Variants in TENM4 observed in about 807,000 individuals in gnomAD.
TENM4 encodes the protein teneurin-4.
A neutral mutation model predicts 243.3 loss-of-function variants in TENM4; 82 were observed. The ratio of observed to expected loss-of-function variants is 0.34; its 90% CI spans 0.28 to 0.40. TENM4 has a LOEUF of 0.40. Ranked by LOEUF, TENM4 falls within the 10% of genes least tolerant of loss-of-function variation. TENM4 has a pLI of 1.00. For synonymous variants in TENM4, 1,412 were observed against 1,456.3 expected (o/e 0.97, Z 0.69); for missense variants, 3,138 against 3,673.3 (o/e 0.85, Z 3.77).
chr11:78,857,607 T>A (rs1002251540), intron 10 of TENM4, among the ~76,000 whole-genome samples: 4 of 152,236 alleles, frequency 2.6e-5, no homozygotes, highest in African/African-American at 9.6e-5. Context: ...ATTAAAAATA[T>A]GCCAACAAAA....
chr11:78,857,575 C>T (rs1858709730), intron 10 of TENM4, among the ~76,000 whole-genome samples: 2 of 152,260 alleles, frequency 1.3e-5, no homozygotes. Context: ...TTTTTAGCTT[C>T]AAACTGTTAA....
At chr11:78,725,263 C>A (rs1354218285) in intron 23 of TENM4, among the ~76,000 whole-genome samples, 2 of 152,264 alleles carry the variant, frequency 1.3e-5, no homozygotes, top group South Asian at 2.1e-4. Context: ...TGTATTCTAT[C>A]GTAAATTTTA....
chr11:79,060,590 G>A (rs1465916061), intron 6 of TENM4, among the ~76,000 whole-genome samples: 1 of 152,176 alleles, frequency 6.6e-6, no homozygotes, highest in Non-Finnish European at 1.5e-5. Flanking sequence ...CTGAGAACTT[G>A]GTTGCACATT....
rs754421992 is a variant in TENM4 at position 78,732,536 on chromosome 11, C to A, written c.2918G>T (p.Arg973Leu). ...VTNGGISIIL[R>L]FERAPFITQE... ...TGTGATGAAAGGTGCCCGCTCGAAC[C>A]GCAGGATGATGGAGATGCCGCCATT... Residue 973 changes from arginine to leucine, a missense_variant, in exon 21 of 34, where the codon CGG (arginine) becomes CTG (leucine). Arg to Leu is a moderately radical substitution (Grantham distance 102). Transcript: ENST00000278550. The A allele has an allele frequency of 5.0e-6, 8 of 1,611,286 alleles. No individual in the cohort carries two copies. The highest frequency in any genetic ancestry group is 6.8e-6 in the Non-Finnish European group (8 of 1,178,096).
At chr11:78,880,004 C>T (rs991424128) in intron 9 of TENM4, among the ~76,000 whole-genome samples, 4 of 151,740 alleles carry the variant, frequency 2.6e-5, no homozygotes, top group African/African-American at 7.3e-5. Flanking sequence ...GCGGTTTTGT[C>T]GAAAAGCAAA....
intron 9 of TENM4, among the ~76,000 whole-genome samples, chr11:78,877,556 C>G (rs2136258428): frequency 6.6e-6 from 1 of 152,304 alleles, no homozygotes; most frequent in South Asian, 2.1e-4. Context: ...TCCATACTCC[C>G]TGGGCAATGT....
chr11:79,124,608 T>G (rs898031891), intron 4 of TENM4, among the ~76,000 whole-genome samples: 8 of 150,838 alleles, frequency 5.3e-5, no homozygotes, highest in African/African-American at 9.8e-5. Flanking sequence ...TATGTGTGTG[T>G]GTGTATATAT....
chr11:79,309,764 A>T (rs1013205529), intron 1 of TENM4, among the ~76,000 whole-genome samples: 1 of 152,120 alleles, frequency 6.6e-6, no homozygotes, highest in South Asian at 2.1e-4. Flanking sequence ...AAAAGACAAG[A>T]CTTCCCAAGA....
At chr11:79,241,187 G>A (rs1864581490) in intron 2 of TENM4, among the ~76,000 whole-genome samples, 1 of 151,776 alleles carries the variant, frequency 6.6e-6, no homozygotes, top group Non-Finnish European at 1.5e-5. Context: ...AAGGCCTCCT[G>A]GGTTTAGACA....
intron 1 of TENM4, among the ~76,000 whole-genome samples, chr11:79,434,112 C>T (rs1267693036): frequency 1.3e-5 from 2 of 152,224 alleles, no homozygotes; most frequent in Non-Finnish European, 2.9e-5. Context: ...AGAAATCCCA[C>T]ACTTGAGAAG....
At chr11:79,336,579 A>T (rs545482391) in intron 1 of TENM4, among the ~76,000 whole-genome samples, 1 of 152,212 alleles carries the variant, frequency 6.6e-6, no homozygotes, top group African/African-American at 2.4e-5. Flanking sequence ...ATTGGGCTCC[A>T]TTTGCTTTCT....
chr11:78,843,820 A>G (rs942274422), intron 12 of TENM4, among the ~76,000 whole-genome samples: 2 of 152,208 alleles, frequency 1.3e-5, no homozygotes, highest in Admixed American at 6.5e-5. Context: ...GGACAGAAAG[A>G]GCCTTCCTTA....
At chr11:79,309,080 C>T (rs1856676246) in intron 1 of TENM4, among the ~76,000 whole-genome samples, 1 of 152,020 alleles carries the variant, frequency 6.6e-6, no homozygotes, top group Non-Finnish European at 1.5e-5. Context: ...AACTCATGCC[C>T]TTCTGAAAAA....
chr11:79,203,834 A>G (rs1486752991), intron 3 of TENM4, among the ~76,000 whole-genome samples: 1 of 152,204 alleles, frequency 6.6e-6, no homozygotes, highest in Non-Finnish European at 1.5e-5. Context: ...AAAATATCTT[A>G]TTGTGCTGTA....
chr11:79,051,891 C>T (rs1380800430), intron 6 of TENM4, among the ~76,000 whole-genome samples: 2 of 152,188 alleles, frequency 1.3e-5, no homozygotes, highest in African/African-American at 4.8e-5. Context: ...TCCATTTCTG[C>T]GTTAGTTTGC....
At chr11:78,756,010 A>G (rs1856296705) in intron 19 of TENM4, among the ~76,000 whole-genome samples, 1 of 152,188 alleles carries the variant, frequency 6.6e-6, no homozygotes, top group African/African-American at 2.4e-5. Flanking sequence ...GCCCTGATCT[A>G]GGGTGCAGAG....
intron 1 of TENM4, among the ~76,000 whole-genome samples, chr11:79,378,475 T>C (rs761535298): frequency 6.6e-6 from 1 of 152,176 alleles, no homozygotes; most frequent in Non-Finnish European, 1.5e-5. Context: ...AGGAATAATC[T>C]AGGTCTTTCT....
intron 1 of TENM4, among the ~76,000 whole-genome samples, chr11:79,310,290 CT>C (rs1340395499): frequency 4.6e-5 from 7 of 152,342 alleles, no homozygotes; most frequent in Admixed American, 2.6e-4. Context: ...CAGACACCAT[CT>C]TGATATTAAG....
intron 6 of TENM4, among the ~76,000 whole-genome samples, chr11:78,947,904 G>A (rs1290815609): frequency 2.6e-5 from 4 of 152,142 alleles, no homozygotes; most frequent in African/African-American, 9.7e-5. Flanking sequence ...GGTTTGGAGG[G>A]GTTCTGTATT....
Sources: allele counts gnomAD v4.1 joint callset (sites outside exome capture counted in the v4.1 genomes callset), GRCh38; gene constraint gnomAD v4.1.1; transcripts MANE v1.5; gene names NCBI Gene and HGNC (gene_info 2026-07-23, HGNC 2026-07-21).